PEX11G: variants seen among roughly 807,000 people sequenced by gnomAD.
PEX11G encodes the protein peroxisomal membrane protein 11C.
In PEX11G, 20 loss-of-function variants were observed where a neutral mutation model predicts 22.5. That is an observed-to-expected ratio of 0.89 (90% confidence interval 0.62 to 1.29). The LOEUF (loss-of-function observed/expected upper bound fraction) is 1.29. Among genes scored for constraint, PEX11G ranks in the 50% most tolerant of loss-of-function variants. The pLI, the probability that PEX11G is intolerant of heterozygous loss-of-function variation, is 0.00. For missense variants in PEX11G, 347 were observed against 331.3 expected (o/e 1.05, Z -0.37); for synonymous variants, 141 against 154.5 (o/e 0.91, Z 0.65).
upstream of PEX11G, chr19:7,489,049 G>A (rs555200982): frequency 6.7e-7 from 1 of 1,483,256 alleles, no homozygotes; most frequent in Admixed American, 2.3e-5. Flanking sequence ...GGCGCGCCGC[G>A]CCAGGGGGCG....
chr19:7,485,920 A>C lies in PEX11G; in HGVS notation c.167T>G (p.Leu56Arg), dbSNP rs1442141468. Residue 56 changes from leucine (L) to arginine (R), a missense_variant, in exon 2 of 5, where the codon CTC becomes CGC. Physicochemically the swap from Leu to Arg is moderately radical, Grantham distance 102. Coordinates refer to ENST00000221480, the MANE Select transcript of PEX11G (RefSeq NM_080662.4). Reference sequence around the variant, plus strand: ...TCGCAAGATGGTCCTGCAGTGGCTGAGTTGGGTGGACACCACCAACAGACG... The same window carrying C: ...TCGCAAGATGGTCCTGCAGTGGCTGCGTTGGGTGGACACCACCAACAGACG... The part of the protein sequence containing the change: ...GTRLLVVSTQ[L>R]SHCRTILRLF... 1.2e-6 allele frequency: 2 copies of C among 1,613,822 alleles called. No individual in the cohort carries two copies. The highest frequency in any genetic ancestry group is 1.1e-5 in the South Asian group (1 of 91,064).
chr19:7,477,086 A>C lies in PEX11G; in HGVS notation c.*116T>G, dbSNP rs1599200609. 4 of 993,392 alleles carry C rather than the reference A, an allele frequency of 4.0e-6. No homozygotes were observed. In the East Asian group the frequency reaches 1.3e-4, roughly 31 times the overall value. 61.5% of individuals were successfully genotyped at this position (993,392 alleles called of 1,614,324 possible). A position where few individuals can be genotyped will look rare whatever the true frequency, so the allele number is the denominator to read the frequency against. On this transcript the variant is annotated 3_prime_UTR_variant, in exon 5 of 5. Transcript: ENST00000221480. ...ATCAGTCCCTCCACCCACCCTGCCCATGGGTTTCACCACAGGCAGCTCCAT... is the reference window on the plus strand; with the variant it reads ...ATCAGTCCCTCCACCCACCCTGCCCCTGGGTTTCACCACAGGCAGCTCCAT...
intron 2 of PEX11G, among the ~76,000 whole-genome samples, chr19:7,483,668 T>C (rs562233176): frequency 2.0e-5 from 3 of 152,068 alleles, no homozygotes; most frequent in Admixed American, 6.6e-5. Context: ...GCAACACTTA[T>C]GATATAGGAT....
upstream of PEX11G, chr19:7,489,119 CTTTGTCCCCCTGACCGGCTT>C: frequency 7.7e-7 from 1 of 1,298,986 alleles, no homozygotes; most frequent in South Asian, 1.7e-5. Context: ...GGCCGCAGGC[CTTTGTCCCCCTGACCGGCTT>C]TTTGTCCGCT....
At position 7,485,852 on chromosome 19, in the gene PEX11G, C is replaced by T. The variant is rs1379982621; in HGVS notation, c.235G>A (p.Gly79Ser). The T allele has an allele frequency of 1.2e-6, 2 of 1,603,230 alleles. No individual in the cohort carries two copies. Among genetic ancestry groups the T allele is most frequent in the South Asian group, 2.2e-5 (2 of 90,690 alleles). The change falls in exon 2 of 5, where the codon GGC becomes AGC. Residue 79 changes from glycine (G) to serine (S), a missense_variant. Gly to Ser is a moderately conservative substitution (Grantham distance 56, BLOSUM62 0). Coordinates refer to ENST00000221480, the MANE Select transcript of PEX11G (RefSeq NM_080662.4). ...AACCCTGTTACCTGTGCCCCCAGGCCATATTGCTTAGTGTAGACAAACATG... is the reference window on the plus strand; with the variant it reads ...AACCCTGTTACCTGTGCCCCCAGGCTATATTGCTTAGTGTAGACAAACATG... ...LAMFVYTKQY[G>S]LGAQEEDAFV...
chr19:7,489,111 C>T, upstream of PEX11G: 3 of 1,328,280 alleles, frequency 2.3e-6, no homozygotes, highest in Admixed American at 3.8e-5. Flanking sequence ...GCAGGCGCGG[C>T]CGCAGGCCTT....
rs760312860 is a variant in PEX11G, at chr19:7,477,180, T to A, written c.*22A>T. The A allele has an allele frequency of 4.1e-6, 6 of 1,448,612 alleles. No individual in the cohort carries two copies. The highest frequency in any genetic ancestry group is 5.4e-6 in the Non-Finnish European group (6 of 1,100,922). The allele number at this position is 1,448,612 out of a possible 1,614,324, so 89.7% of individuals were successfully genotyped here. On this transcript the variant is annotated 3_prime_UTR_variant, in exon 5 of 5. Transcript: ENST00000221480. ...GGGCCCTCCGTGGGCTCTGGCTGTG[T>A]CCCTGTGCTCTTCCGGCAGTGTCAG... is the stretch of plus-strand genomic sequence containing the variant.
chr19:7,477,918 A>G (rs779496357), intron 4 of PEX11G, among the ~76,000 whole-genome samples: 62 of 152,250 alleles, frequency 4.1e-4, no homozygotes, highest in Non-Finnish European at 3.5e-4. Flanking sequence ...GCTACTCGGG[A>G]AGCTGAAACA....
upstream of PEX11G, among the ~76,000 whole-genome samples, chr19:7,489,863 T>TC (rs1471324629): frequency 6.6e-6 from 1 of 151,130 alleles, no homozygotes; most frequent in African/African-American, 2.4e-5. Flanking sequence ...TTTTTTTTTT[T>TC]TTCTTTTTTT....
intron 2 of PEX11G, 37 bp from the exon 3 acceptor site, chr19:7,482,248 C>T: frequency 6.6e-7 from 1 of 1,519,388 alleles, no homozygotes; most frequent in Non-Finnish European, 8.8e-7. Context: ...TAGGGTCAGA[C>T]TTACCCACTG....
intron 1 of PEX11G, among the ~76,000 whole-genome samples, chr19:7,487,125 C>T (rs2021697307): frequency 1.3e-5 from 2 of 152,120 alleles, no homozygotes; most frequent in African/African-American, 2.4e-5. Context: ...AGAAACATGA[C>T]ATCATTGATG....
In PEX11G at chr19:7,477,283, G is replaced by T. The variant is rs750254490; in HGVS notation, c.645C>A (p.Gly215=). 6.3e-6 allele frequency: 10 copies of T among 1,584,786 alleles called. No individual in the cohort carries two copies. The highest frequency in any genetic ancestry group is 8.6e-6 in the Non-Finnish European group (10 of 1,167,236). Reference sequence around the variant, plus strand: ...GGATTGAGGAGATGGTGCCCATGAGGCCCACTAGCCACGGCGGGAAGCGGC... The same window carrying T: ...GGATTGAGGAGATGGTGCCCATGAGTCCCACTAGCCACGGCGGGAAGCGGC... ...WAGRFPPWLV[G]LMGTISSILS... The change falls in exon 5 of 5, where the codon GGC becomes GGA. Residue 215 remains glycine (G), a synonymous_variant. Coordinates refer to ENST00000221480, the MANE Select transcript of PEX11G (RefSeq NM_080662.4).
intron 1 of PEX11G, 53 bp from the exon 2 acceptor site, chr19:7,486,079 C>G: frequency 6.7e-7 from 1 of 1,491,344 alleles, no homozygotes; most frequent in Non-Finnish European, 9.1e-7. Context: ...CAGAACTGAG[C>G]TGCATCCCCC....
At position 7,477,624 on chromosome 19, in the gene PEX11G, C is replaced by A. The variant is rs147374443; in HGVS notation, c.492-188G>T. On this transcript the variant is annotated intron_variant, in intron 4 of 4. Transcript: ENST00000221480. ...CCCCATCACCCCCCCGACCCAAGCA[C>A]GAACAGGGCAGGAACCCGGGTCCAA... is the stretch of plus-strand genomic sequence containing the variant. Among the ~76,000 whole-genome samples the A allele has an allele frequency of 4.5e-3, 690 of 152,272 alleles. 7 individuals are homozygous for A. Among genetic ancestry groups the A allele is most frequent in the African/African-American group, 0.015 (623 of 41,544 alleles).
At chr19:7,485,736 TG>T in intron 2 of PEX11G, 101 bp downstream of exon 2, 1 of 1,095,190 alleles carries the variant, frequency 9.1e-7, no homozygotes, top group South Asian at 1.7e-5. Flanking sequence ...CACAAAGTGC[TG>T]GGATTACAAG....
chr19:7,484,041 C>T (rs150217693), intron 2 of PEX11G, among the ~76,000 whole-genome samples: 1 of 152,324 alleles, frequency 6.6e-6, no homozygotes, highest in Non-Finnish European at 1.5e-5. Context: ...CCTGAGAACG[C>T]AGCTCTTTCT....
intron 2 of PEX11G, chr19:7,483,164 C>A (rs1386753368): frequency 6.6e-6 from 1 of 151,032 alleles, no homozygotes; most frequent in Non-Finnish European, 1.5e-5. Context: ...ACCTGCCACA[C>A]CCTTCCCCTC....
chr19:7,493,379 G>T (rs1161852471), upstream of PEX11G, among the ~76,000 whole-genome samples: 1 of 152,018 alleles, frequency 6.6e-6, no homozygotes, highest in East Asian at 1.9e-4. Flanking sequence ...GTTTTTAATA[G>T]AAATAGGGTC....
In PEX11G at chr19:7,486,409, A is replaced by G. The variant is rs184874552; in HGVS notation, c.61-383T>C. ...CCAAAGTGCTGGGATTACAGGCATG[A>G]GCCACCGTGCCTGACCCAAGAGTTT... On this transcript the variant is annotated intron_variant, in intron 1 of 4. Transcript: ENST00000221480. Among the ~76,000 whole-genome samples the G allele has an allele frequency of 9.7e-4, 148 of 152,180 alleles. No individual in the cohort carries two copies. In the Middle Eastern group the frequency reaches 0.024, roughly 25 times the overall value.
Sources: gnomAD v4.1 joint callset for allele counts (sites outside exome capture counted in the v4.1 genomes callset) on GRCh38, gnomAD v4.1.1 for gene constraint, MANE v1.5 for transcripts, NCBI Gene and HGNC (gene_info 2026-07-23, HGNC 2026-07-21) for gene names.